Variants in IMMP2L observed in about 807,000 individuals in gnomAD.
The protein encoded by IMMP2L is inner mitochondrial membrane peptidase subunit 2.
Under a neutral mutation model 19.3 loss-of-function variants are expected in IMMP2L, and 18 were observed. That is an observed-to-expected ratio of 0.93 (90% CI 0.64 to 1.38). IMMP2L has a LOEUF of 1.38. Among genes scored for constraint, IMMP2L ranks in the 40% most tolerant of loss-of-function variants. The pLI, the probability that IMMP2L is intolerant of heterozygous loss-of-function variation, is 0.00. For missense variants in IMMP2L, 233 were observed against 218.2 expected (o/e 1.07, Z -0.43); for synonymous variants, 76 against 73.0 (o/e 1.04, Z -0.21).
intron 3 of IMMP2L, among the ~76,000 whole-genome samples, chr7:111,138,205 T>G (rs373545068): frequency 3.3e-5 from 5 of 152,214 alleles, no homozygotes; most frequent in African/African-American, 4.8e-5. Context: ...AAAGATTTAG[T>G]GAATGTGAAT....
chr7:111,425,822 T>C (rs913430524), intron 3 of IMMP2L, among the ~76,000 whole-genome samples: 14 of 151,240 alleles, frequency 9.3e-5, no homozygotes, highest in Admixed American at 6.6e-5. Flanking sequence ...CATTTCTTAG[T>C]AGTCAGAAAA....
At chr7:111,530,084 C>G (rs1356733355) in intron 1 of IMMP2L, among the ~76,000 whole-genome samples, 2 of 152,136 alleles carry the variant, frequency 1.3e-5, no homozygotes, top group African/African-American at 4.8e-5. Flanking sequence ...TCAGTGAAAA[C>G]CTGGTGGGCT....
chr7:110,912,073 C>A (rs926378909), intron 4 of IMMP2L, among the ~76,000 whole-genome samples: 8 of 151,980 alleles, frequency 5.3e-5, no homozygotes, highest in Admixed American at 6.6e-5. Context: ...TTTCCAGTAT[C>A]CAGTTATAAT....
intron 2 of IMMP2L, among the ~76,000 whole-genome samples, chr7:111,501,768 C>A (rs1317846807): frequency 2.6e-5 from 4 of 152,106 alleles, no homozygotes; most frequent in Admixed American, 6.6e-5. Flanking sequence ...CAGAGATGCA[C>A]ATGCTGAGAG....
chr7:111,371,271 GGCT>G (rs1830240925), intron 3 of IMMP2L, among the ~76,000 whole-genome samples: 1 of 151,820 alleles, frequency 6.6e-6, no homozygotes, highest in South Asian at 2.1e-4. Flanking sequence ...TCTTCTTCAT[GGCT>G]GCTACAGTAT....
At position 110,870,265 on chromosome 7, in the gene IMMP2L, GAT is replaced by G. The variant is rs1397653522; in HGVS notation, c.408+16326_408+16327del. Reference sequence around the variant, plus strand: ...TGCATTTCATTCTCTTTTTTCCAAAGATGTCAGATGTCCTTCTTGTATACTTT... The same window carrying G: ...TGCATTTCATTCTCTTTTTTCCAAAGGTCAGATGTCCTTCTTGTATACTTT... On this transcript the variant is annotated intron_variant, in intron 5 of 5. Coordinates refer to ENST00000405709, the MANE Select transcript of IMMP2L (RefSeq NM_032549.4). The surrounding 1 kb of genome is among the most constrained non-coding windows in gnomAD (Gnocchi z 4.2). 6.6e-5 allele frequency among the ~76,000 whole-genome samples: 10 copies of G among 152,030 alleles called. No individual in the cohort carries two copies. The highest frequency in any genetic ancestry group is 2.4e-4 in the African/African-American group (10 of 41,418).
chr7:110,928,350 T>TGCAC (rs1815084660), intron 4 of IMMP2L, among the ~76,000 whole-genome samples: 1 of 110,472 alleles, frequency 9.1e-6, no homozygotes, highest in Non-Finnish European at 1.8e-5. Flanking sequence ...TATATGTACC[T>TGCAC]GCACACACAC....
At chr7:111,387,071 A>G (rs916781240) in intron 3 of IMMP2L, among the ~76,000 whole-genome samples, 1 of 152,192 alleles carries the variant, frequency 6.6e-6, no homozygotes. Flanking sequence ...GTCCTGTAAA[A>G]AGAAAAGAAA....
intron 3 of IMMP2L, among the ~76,000 whole-genome samples, chr7:111,018,791 TTATTA>T (rs1563165476): frequency 4.0e-3 from 27 of 6,790 alleles, no homozygotes; most frequent in African/African-American, 0.016. Flanking sequence ...TGTCTTTTTA[TTATTA>T]TTATTATTAT....
intron 3 of IMMP2L, among the ~76,000 whole-genome samples, chr7:111,374,078 C>T (rs961580427): frequency 6.6e-6 from 1 of 151,974 alleles, no homozygotes; most frequent in Non-Finnish European, 1.5e-5. Context: ...AAAAGCCAAG[C>T]CTTCATCATG....
intron 5 of IMMP2L, among the ~76,000 whole-genome samples, chr7:110,667,048 T>C (rs757026960): frequency 7.2e-5 from 11 of 152,268 alleles, no homozygotes; most frequent in Non-Finnish European, 1.2e-4. Context: ...ATTTTTTGTA[T>C]TTTTAGTAGA....
chr7:111,329,648 T>C (rs1825681516), intron 3 of IMMP2L, among the ~76,000 whole-genome samples: 1 of 151,882 alleles, frequency 6.6e-6, no homozygotes, highest in African/African-American at 2.4e-5. Context: ...GGCGTCACTT[T>C]GGAGAGAAAA....
chr7:110,904,387 T>A (rs192372885), intron 4 of IMMP2L, among the ~76,000 whole-genome samples: 97 of 152,302 alleles, frequency 6.4e-4, no homozygotes, highest in Non-Finnish European at 6.6e-4. Flanking sequence ...TGTTTTGGGT[T>A]TTACATTGAA....
intron 3 of IMMP2L, among the ~76,000 whole-genome samples, chr7:111,299,051 C>T (rs902757062): frequency 1.3e-5 from 2 of 152,002 alleles, no homozygotes; most frequent in Admixed American, 6.6e-5. Context: ...TAAGGACAAG[C>T]CTACATACCT....
intron 3 of IMMP2L, among the ~76,000 whole-genome samples, chr7:111,404,557 G>A (rs188505350): frequency 2.0e-5 from 3 of 151,948 alleles, no homozygotes; most frequent in East Asian, 1.9e-4. Context: ...AACAGTTCAC[G>A]GAAAACTCAA....
intron 3 of IMMP2L, among the ~76,000 whole-genome samples, chr7:111,172,238 A>G (rs1806524889): frequency 6.6e-6 from 1 of 151,478 alleles, no homozygotes; most frequent in Admixed American, 6.6e-5. Context: ...TGCACTCAAC[A>G]TTGAGTGCTT....
chr7:111,077,125 T>G (rs985995974), intron 3 of IMMP2L, among the ~76,000 whole-genome samples: 2 of 152,176 alleles, frequency 1.3e-5, no homozygotes, highest in Non-Finnish European at 2.9e-5. Context: ...TTCTGCTGGT[T>G]GCATAGTTAT....
rs1045295694 is a variant in IMMP2L at position 111,361,252 on chromosome 7, A to C, written c.239+125986T>G. Among the ~76,000 whole-genome samples the C allele has an allele frequency of 8.5e-5, 13 of 152,130 alleles. 1 individual carries two copies. Among genetic ancestry groups the C allele is most frequent in the Non-Finnish European group, 1.2e-4 (8 of 68,016 alleles). On this transcript the variant is annotated intron_variant, in intron 3 of 5. Coordinates refer to ENST00000405709, the MANE Select transcript of IMMP2L (RefSeq NM_032549.4). ...GGTTTAAATACCAGTTTCATAACTT[A>C]TTAACTGTGTGGGCATCTGTTCCCT... is the stretch of plus-strand genomic sequence containing the variant.
intron 4 of IMMP2L, among the ~76,000 whole-genome samples, chr7:110,906,994 T>C (rs1156297294): frequency 6.6e-6 from 1 of 151,954 alleles, no homozygotes; most frequent in Admixed American, 6.6e-5. Flanking sequence ...GTGAGTACTT[T>C]TGGGTGCCAG....
Sources: gnomAD v4.1 joint callset for allele counts (sites outside exome capture counted in the v4.1 genomes callset) on GRCh38, gnomAD v4.1.1 for gene constraint, Gnocchi (gnomAD v3.1) non-coding constraint, MANE v1.5 for transcripts, NCBI Gene and HGNC (gene_info 2026-07-23, HGNC 2026-07-21) for gene names.